Variants in DTL observed in about 807,000 individuals in gnomAD.
DTL encodes denticleless protein homolog.
In DTL, 46 loss-of-function variants were observed where a neutral mutation model predicts 87.0. The observed-to-expected ratio is 0.53, with a 90% CI of 0.42 to 0.68. The LOEUF (loss-of-function observed/expected upper bound fraction) is 0.68. DTL is among the 30% of genes least tolerant of loss of function. The probability of loss-of-function intolerance (pLI) is 0.00; values close to 1 mark genes in which losing one functional copy is unlikely to be tolerated. For missense variants in DTL, 737 were observed against 869.4 expected (o/e 0.85, Z 1.91); for synonymous variants, 308 against 311.2 (o/e 0.99, Z 0.11).
intron 8 of DTL, among the ~76,000 whole-genome samples, chr1:212,067,775 A>G (rs1654551424): frequency 6.6e-6 from 1 of 152,220 alleles, no homozygotes; most frequent in Admixed American, 6.5e-5. Flanking sequence ...AATAGATGAA[A>G]TGAAAAAATA....
intron 2 of DTL, among the ~76,000 whole-genome samples, chr1:212,044,194 A>G (rs1667740643): frequency 6.6e-6 from 1 of 152,210 alleles, no homozygotes; most frequent in Admixed American, 6.5e-5. Flanking sequence ...CTACATCATC[A>G]TATGCCTTTG....
intron 1 of DTL, among the ~76,000 whole-genome samples, chr1:212,041,791 T>C (rs1202225973): frequency 6.6e-6 from 1 of 152,206 alleles, no homozygotes; most frequent in Admixed American, 6.5e-5. Context: ...ATTACAGGTG[T>C]GAGAGACCGC....
intron 5 of DTL, among the ~76,000 whole-genome samples, chr1:212,052,681 T>A (rs1006856531): frequency 6.6e-5 from 10 of 151,378 alleles, no homozygotes; most frequent in African/African-American, 2.2e-4. Flanking sequence ...TCTGCCTAAT[T>A]TATTCATATT....
chr1:212,083,708 A>G (rs999589831), intron 13 of DTL, among the ~76,000 whole-genome samples: 1 of 152,220 alleles, frequency 6.6e-6, no homozygotes, highest in African/African-American at 2.4e-5. Context: ...TTGACAGATA[A>G]TGTTGAAGAG....
intron 10 of DTL, 43 bp downstream of exon 10, chr1:212,068,746 A>G (rs886652268): frequency 6.9e-6 from 9 of 1,307,926 alleles, no homozygotes; most frequent in African/African-American, 4.4e-5. Flanking sequence ...GGAAAGCATT[A>G]TGGGCTTTTT....
chr1:212,051,305 T>C (rs947613613), intron 5 of DTL, among the ~76,000 whole-genome samples: 4 of 152,122 alleles, frequency 2.6e-5, no homozygotes, highest in African/African-American at 9.7e-5. Context: ...TCCTCTGATA[T>C]CATTTCCTTG....
chr1:212,103,027 T>C lies in DTL; in HGVS notation c.*87T>C. The C allele has an allele frequency of 1.3e-6, 1 of 747,756 alleles. No homozygotes were observed. Among genetic ancestry groups the C allele is most frequent in the South Asian group, 1.8e-5 (1 of 54,488 alleles). 46.3% of individuals were successfully genotyped at this position (747,756 alleles called of 1,614,324 possible). On this transcript the variant is annotated 3_prime_UTR_variant, in exon 15 of 15. Coordinates refer to ENST00000366991, the MANE Select transcript of DTL (RefSeq NM_016448.4). ...TAAAACAAGATGAAAAATACAAGAG[T>C]GACTCTATAACTCTGGTCTTTAAGA...
chr1:212,102,127 A>C (rs1311533070), intron 14 of DTL, among the ~76,000 whole-genome samples: 1 of 152,226 alleles, frequency 6.6e-6, no homozygotes, highest in Non-Finnish European at 1.5e-5. Flanking sequence ...GACCTATCCC[A>C]TAATTTTAGA....
intron 14 of DTL, among the ~76,000 whole-genome samples, chr1:212,102,188 A>C (rs1056852239): frequency 1.3e-5 from 2 of 152,242 alleles, no homozygotes; most frequent in Non-Finnish European, 2.9e-5. Context: ...ACTGCAATCA[A>C]GACCTTGCTG....
At chr1:212,041,250 A>T (rs1017805813) in intron 1 of DTL, among the ~76,000 whole-genome samples, 1 of 152,122 alleles carries the variant, frequency 6.6e-6, no homozygotes, top group Non-Finnish European at 1.5e-5. Flanking sequence ...TGGTGTTTGG[A>T]TGTTAATTAT....
Position 212,100,615 on chromosome 1 carries a change from A to G in DTL, c.1625A>G (p.Glu542Gly). 1.2e-6 allele frequency: 2 copies of G among 1,614,004 alleles called. No homozygotes were observed. The highest frequency in any genetic ancestry group is 2.2e-5 in the South Asian group (2 of 91,062). Residue 542 changes from glutamate to glycine, a missense_variant, in exon 14 of 15, where the codon GAG becomes GGG. By Grantham distance (98) the Glu-to-Gly change is moderately conservative. Coordinates refer to ENST00000366991, the MANE Select transcript of DTL (RefSeq NM_016448.4). ...IPVSQKSSQA[E>G]ACSESRNRVK... ...GTGAGCCAGAAGTCATCCCAAGCAG[A>G]GGCTTGCTCTGAGTCTAGAAATAGA... is the stretch of plus-strand genomic sequence containing the variant.
At chr1:212,048,466 C>T (rs1571943358) in intron 5 of DTL, among the ~76,000 whole-genome samples, 1 of 152,218 alleles carries the variant, frequency 6.6e-6, no homozygotes, top group Admixed American at 6.5e-5. Context: ...GCTGGGATTA[C>T]AGGCATGAGC....
In DTL at chr1:212,068,310, G is replaced by A; in HGVS notation, c.800G>A (p.Ser267Asn). 6.2e-7 allele frequency: 1 copy of A among 1,607,924 alleles called. No individual in the cohort carries two copies. The highest frequency in any genetic ancestry group is 8.5e-7 in the Non-Finnish European group (1 of 1,178,184). ...TCCAAGTCTTTCCTGTACCCAGGTA[G>A]CAGCACTCGAAAACTTGGTAAGCCT... ...IASKSFLYPG[S>N]STRKLGYSSL... Residue 267 changes from serine to asparagine, a missense_variant, in exon 9 of 15, where the codon AGC (serine) becomes AAC (asparagine). Ser to Asn is a conservative substitution (Grantham distance 46, BLOSUM62 1). Coordinates refer to ENST00000366991, the MANE Select transcript of DTL (RefSeq NM_016448.4).
intron 5 of DTL, among the ~76,000 whole-genome samples, chr1:212,059,254 T>A (rs1023821085): frequency 6.6e-6 from 1 of 150,684 alleles, no homozygotes; most frequent in Non-Finnish European, 1.5e-5. Context: ...CGGACATAGA[T>A]GCAAAAATCC....
Position 212,096,920 on chromosome 1 carries a change from T to C in DTL, c.1262-3332T>C, listed in dbSNP as rs892449764. On this transcript the variant is annotated intron_variant, in intron 13 of 14. Transcript: ENST00000366991. ...TTGTTCTAGGGTATAAGTCCATTGT[T>C]TCTATGTTGACTTACTGTATTGAAG... Among the ~76,000 whole-genome samples, 17 of 152,226 alleles carry C rather than the reference T, an allele frequency of 1.1e-4. 1 individual carries two copies. Among genetic ancestry groups the C allele is most frequent in the African/African-American group, 3.9e-4 (16 of 41,464 alleles).
At chr1:212,056,770 T>G (rs1016648132) in intron 5 of DTL, among the ~76,000 whole-genome samples, 1 of 151,824 alleles carries the variant, frequency 6.6e-6, no homozygotes, top group Non-Finnish European at 1.5e-5. Flanking sequence ...AGGAAATGAA[T>G]GAGGAATCTA....
intron 2 of DTL, among the ~76,000 whole-genome samples, chr1:212,043,829 A>C (rs1352721513): frequency 1.1e-5 from 1 of 87,854 alleles, no homozygotes; most frequent in Non-Finnish European, 2.3e-5. Flanking sequence ...CTTCATCTCC[A>C]AAAAAAAAAA....
intron 5 of DTL, among the ~76,000 whole-genome samples, chr1:212,056,701 AG>A (rs1668187887): frequency 6.6e-6 from 1 of 152,202 alleles, no homozygotes; most frequent in South Asian, 2.1e-4. Context: ...ATACTAAGGA[AG>A]CTCAGTGAGA....
At chr1:212,067,674 TG>T (rs1353602620) in intron 8 of DTL, among the ~76,000 whole-genome samples, 1 of 152,204 alleles carries the variant, frequency 6.6e-6, no homozygotes, top group African/African-American at 2.4e-5. Flanking sequence ...AAGCTTGCTC[TG>T]TTTGTTTCCA....
Sources: gnomAD v4.1 joint callset for allele counts (sites outside exome capture counted in the v4.1 genomes callset) on GRCh38, gnomAD v4.1.1 for gene constraint, MANE v1.5 for transcripts, NCBI Gene and HGNC (gene_info 2026-07-23, HGNC 2026-07-21) for gene names.